The following AFF1 variants were observed in gnomAD, a reference collection of about 807,000 sequenced individuals.
AFF1 encodes the protein AF4/FMR2 family member 1.
A neutral mutation model predicts 121.7 loss-of-function variants in AFF1; 48 were observed. The observed-to-expected ratio is 0.39, with a 90% CI of 0.31 to 0.50. The LOEUF (loss-of-function observed/expected upper bound fraction) is 0.50, where lower values mean the gene tolerates loss of function less well. Ranked by LOEUF, AFF1 falls within the 20% of genes least tolerant of loss-of-function variation. The pLI is 0.76. For synonymous variants in AFF1, 613 were observed against 563.0 expected, an observed-to-expected ratio of 1.09 and a Z score of -1.26; for missense variants, 1,523 against 1,511.7, an observed-to-expected ratio of 1.01 and a Z score of -0.12.
rs543639129 is a variant in AFF1 at position 86,938,274 on chromosome 4, A to G, written c.-37+3034A>G. Among the ~76,000 whole-genome samples the G allele has an allele frequency of 4.6e-5, 7 of 152,036 alleles. No individual in the cohort carries two copies. The East Asian group carries it at 7.8e-4, about 17-fold the overall frequency. On this transcript the variant is annotated intron_variant, in intron 1 of 20. Transcript: ENST00000395146. ...GGACCAGCCTGACCAATATGGGGAAACCCCATCTCTACTAAAAATACAAAA... is the reference window on the plus strand; with the variant it reads ...GGACCAGCCTGACCAATATGGGGAAGCCCCATCTCTACTAAAAATACAAAA...
chr4:87,069,811 T>G (rs1161923318), intron 4 of AFF1, among the ~76,000 whole-genome samples: 3 of 144,474 alleles, frequency 2.1e-5, no homozygotes, highest in South Asian at 2.1e-4. Flanking sequence ...TCCTTATCAC[T>G]CAGGATTTTT....
intron 2 of AFF1, among the ~76,000 whole-genome samples, chr4:87,029,494 G>T (rs1728861028): frequency 6.6e-6 from 1 of 152,110 alleles, no homozygotes; most frequent in South Asian, 2.1e-4. Context: ...GACATTTGAG[G>T]AACATTAAGT....
In AFF1 at chr4:87,072,362, CAAAAA is replaced by C. The variant is rs533054826; in HGVS notation, c.1060-11742_1060-11738del. On this transcript the variant is annotated intron_variant, in intron 4 of 20. Coordinates refer to ENST00000395146, the MANE Select transcript of AFF1 (RefSeq NM_001166693.3). ...TGGGCAACAGAGCGAGACTCCGTCT[CAAAAA>C]AAAAAAAAAAAAAAATTTAAATTCA... Among the ~76,000 whole-genome samples, 505 of 109,104 alleles carry C rather than the reference CAAAAA, an allele frequency of 4.6e-3. 3 individuals carry two copies. The highest frequency in any genetic ancestry group is 0.016 in the African/African-American group (478 of 29,074). 71.6% of individuals were successfully genotyped at this position (109,104 alleles called of 152,430 possible). A position where few individuals can be genotyped will look rare whatever the true frequency, so the allele number is the denominator to read the frequency against.
intron 4 of AFF1, among the ~76,000 whole-genome samples, chr4:87,064,674 T>A (rs748857936): frequency 2.6e-5 from 4 of 151,866 alleles, no homozygotes; most frequent in Non-Finnish European, 5.9e-5. Flanking sequence ...AGGTCAGGAA[T>A]TCGAGACCAG....
At chr4:87,011,828 C>T (rs143497357) in intron 2 of AFF1, among the ~76,000 whole-genome samples, 9 of 152,206 alleles carry the variant, frequency 5.9e-5, no homozygotes, top group African/African-American at 1.9e-4. Context: ...ACTGAAGGAG[C>T]GGTGAGTCAT....
At chr4:87,127,185 G>C (rs1728359568) in intron 15 of AFF1, 68 bp downstream of exon 15, 1 of 1,253,424 alleles carries the variant, frequency 8.0e-7, no homozygotes, top group Non-Finnish European at 1.1e-6. Flanking sequence ...CACCAAGATA[G>C]AGTCTCACTC....
rs751029258 is a variant in AFF1 at position 87,069,816 on chromosome 4, ATTTT to A, written c.1060-14287_1060-14284del. 5.6e-3 allele frequency among the ~76,000 whole-genome samples: 680 copies of A among 121,280 alleles called. 3 individuals are homozygous for A. Among genetic ancestry groups the A allele is most frequent in the African/African-American group, 0.02 (620 of 31,298 alleles). 79.6% of individuals were successfully genotyped at this position (121,280 alleles called of 152,430 possible). A position where few individuals can be genotyped will look rare whatever the true frequency, so the allele number is the denominator to read the frequency against. On this transcript the variant is annotated intron_variant, in intron 4 of 20. Transcript: ENST00000395146. Reference sequence around the variant, plus strand: ...AATAAGGTATTCCTTATCACTCAGGATTTTTTTTTTTTTTTTTTTTGAGACGGAG... The same window carrying A: ...AATAAGGTATTCCTTATCACTCAGGATTTTTTTTTTTTTTTTGAGACGGAG...
At chr4:87,089,142 G>GT (rs1724040300) in intron 5 of AFF1, among the ~76,000 whole-genome samples, 1 of 152,084 alleles carries the variant, frequency 6.6e-6, no homozygotes, top group South Asian at 2.1e-4. Flanking sequence ...TTGGACCTCA[G>GT]TTTTTTTCAA....
chr4:86,951,816 A>G (rs1303908402), intron 2 of AFF1, among the ~76,000 whole-genome samples: 2 of 151,304 alleles, frequency 1.3e-5, no homozygotes, highest in African/African-American at 2.4e-5. Context: ...GGGTTTCACC[A>G]TGTTGGCCAG....
intron 1 of AFF1, among the ~76,000 whole-genome samples, chr4:86,947,395 G>A (rs917997513): frequency 1.3e-5 from 2 of 152,170 alleles, no homozygotes; most frequent in African/African-American, 4.8e-5. Flanking sequence ...CTTATCGGGA[G>A]TAAGAATAGA....
rs1221703872 is a variant in AFF1 at position 87,140,393 on chromosome 4, T to C, written c.*4692T>C. 1 of 190,554 alleles carries C rather than the reference T, an allele frequency of 5.2e-6. No individual in the cohort carries two copies. Among genetic ancestry groups the C allele is most frequent in the Non-Finnish European group, 1.1e-5 (1 of 90,656 alleles). 11.8% of individuals were successfully genotyped at this position (190,554 alleles called of 1,614,324 possible). On this transcript the variant is annotated 3_prime_UTR_variant, in exon 21 of 21. Transcript: ENST00000395146. Reference sequence around the variant, plus strand: ...CGCACGCATGTGTCCCAAATCTTGTTTTAATTTTTTTTTTCTGAATGTGAT... The same window carrying C: ...CGCACGCATGTGTCCCAAATCTTGTCTTAATTTTTTTTTTCTGAATGTGAT...
At chr4:86,972,159 AAG>A (rs1489246844) in intron 2 of AFF1, among the ~76,000 whole-genome samples, 6 of 142,588 alleles carry the variant, frequency 4.2e-5, no homozygotes, top group African/African-American at 2.6e-5. Flanking sequence ...AAAAAAAAAA[AAG>A]TTTGAAGAGC....
intron 2 of AFF1, among the ~76,000 whole-genome samples, chr4:86,996,610 C>G (rs1725229132): frequency 6.6e-6 from 1 of 151,416 alleles, no homozygotes; most frequent in African/African-American, 2.4e-5. Flanking sequence ...GGTCCTCTGC[C>G]TAGGAAAACC....
At chr4:87,115,795 G>C (rs2149771630) in intron 12 of AFF1, among the ~76,000 whole-genome samples, 1 of 151,588 alleles carries the variant, frequency 6.6e-6, no homozygotes, top group African/African-American at 2.4e-5. Flanking sequence ...TTTTTTTGTA[G>C]AGGTGGGGTT....
rs1260870346 is a variant in AFF1, at chr4:87,140,606, GT to G, written c.*4908del. Reference sequence around the variant, plus strand: ...TGATAAATGAAAATCACTGGCCTATGTTTAATAAGTTTTTCTTTAATTACTG... The same window carrying G: ...TGATAAATGAAAATCACTGGCCTATGTTAATAAGTTTTTCTTTAATTACTG... On this transcript the variant is annotated 3_prime_UTR_variant, in exon 21 of 21. Transcript: ENST00000395146. 5.4e-6 allele frequency: 1 copy of G among 185,180 alleles called. No individual in the cohort carries two copies. The highest frequency in any genetic ancestry group is 1.1e-5 in the Non-Finnish European group (1 of 87,236). The allele number at this position is 185,180 out of a possible 1,614,324, so 11.5% of individuals were successfully genotyped here. A position where few individuals can be genotyped will look rare whatever the true frequency, so the allele number is the denominator to read the frequency against.
At chr4:87,064,612 C>A (rs1419961596) in intron 4 of AFF1, among the ~76,000 whole-genome samples, 1 of 152,054 alleles carries the variant, frequency 6.6e-6, no homozygotes, top group African/African-American at 2.4e-5. Flanking sequence ...GGCACGGTGG[C>A]TCATGTCTAT....
At chr4:87,064,124 G>T (rs979967242) in intron 4 of AFF1, among the ~76,000 whole-genome samples, 4 of 152,210 alleles carry the variant, frequency 2.6e-5, no homozygotes, top group Admixed American at 2.6e-4. Flanking sequence ...AGTATATGGG[G>T]CAAGGGCTAG....
At chr4:86,942,870 C>A (rs2149443254) in intron 1 of AFF1, among the ~76,000 whole-genome samples, 1 of 152,340 alleles carries the variant, frequency 6.6e-6, no homozygotes, top group East Asian at 1.9e-4. Flanking sequence ...GCATAGCTAA[C>A]AGTATGCCAA....
chr4:87,037,028 T>C (rs1049925653), intron 2 of AFF1, among the ~76,000 whole-genome samples: 1 of 152,152 alleles, frequency 6.6e-6, no homozygotes, highest in African/African-American at 2.4e-5. Context: ...CAGATGGATC[T>C]AAAATTACTT....
Sources: allele counts gnomAD v4.1 joint callset (sites outside exome capture counted in the v4.1 genomes callset), GRCh38; gene constraint gnomAD v4.1.1; transcripts MANE v1.5; gene names NCBI Gene and HGNC (gene_info 2026-07-23, HGNC 2026-07-21).